Variants in ITGBL1 observed in about 807,000 individuals in gnomAD.
ITGBL1 encodes the protein integrin subunit beta like 1.
ITGBL1 carries 51 observed loss-of-function variants against 68.5 expected under a neutral mutation model. The observed-to-expected ratio is 0.74, with a 90% CI of 0.59 to 0.94. The LOEUF (loss-of-function observed/expected upper bound fraction) is 0.94. ITGBL1 is among the 40% of genes least tolerant of loss of function. ITGBL1 has a pLI of 0.00. For missense variants in ITGBL1, 649 were observed against 647.4 expected, an observed-to-expected ratio of 1.00 and a Z score of -0.03; for synonymous variants, 209 against 227.3, an observed-to-expected ratio of 0.92 and a Z score of 0.72.
intron 2 of ITGBL1, among the ~76,000 whole-genome samples, chr13:101,483,328 G>A (rs2048654162): frequency 6.6e-6 from 1 of 152,156 alleles, no homozygotes; most frequent in Non-Finnish European, 1.5e-5. Context: ...CCACTGTCAA[G>A]GTTGCAATTA....
intron 2 of ITGBL1, among the ~76,000 whole-genome samples, chr13:101,473,638 T>C (rs966410566): frequency 6.6e-6 from 1 of 152,184 alleles, no homozygotes; most frequent in African/African-American, 2.4e-5. Context: ...AGCCAGTGGA[T>C]GTGGGATGCA....
chr13:101,615,614 A>G (rs1213098425), intron 7 of ITGBL1, among the ~76,000 whole-genome samples: 1 of 151,882 alleles, frequency 6.6e-6, no homozygotes, highest in East Asian at 1.9e-4. Flanking sequence ...GTCCTCATGA[A>G]AGGGAATGGT....
intron 9 of ITGBL1, among the ~76,000 whole-genome samples, chr13:101,707,869 A>G (rs2034296904): frequency 6.6e-6 from 1 of 151,822 alleles, no homozygotes; most frequent in African/African-American, 2.4e-5. Context: ...AAAAAAAAAA[A>G]AAAGGTAATA....
At chr13:101,682,722 T>A (rs1358591680) in intron 7 of ITGBL1, among the ~76,000 whole-genome samples, 1 of 152,100 alleles carries the variant, frequency 6.6e-6, no homozygotes, top group Non-Finnish European at 1.5e-5. Flanking sequence ...TTAGTGTCTA[T>A]ATTGTTTGTA....
chr13:101,521,556 G>A (rs1463515719), intron 2 of ITGBL1, among the ~76,000 whole-genome samples: 1 of 152,034 alleles, frequency 6.6e-6, no homozygotes, highest in Admixed American at 6.6e-5. Flanking sequence ...GAGAAGGGAG[G>A]GTGGGAGGAG....
chr13:101,615,923 T>A (rs1260945619), intron 7 of ITGBL1, among the ~76,000 whole-genome samples: 1 of 152,196 alleles, frequency 6.6e-6, no homozygotes, highest in African/African-American at 2.4e-5. Flanking sequence ...CGCTAGACAC[T>A]GCATCTTCCG....
intron 7 of ITGBL1, among the ~76,000 whole-genome samples, chr13:101,656,500 T>TA (rs1179331817): frequency 6.6e-6 from 1 of 152,188 alleles, no homozygotes; most frequent in Admixed American, 6.5e-5. Flanking sequence ...TAGGGTTAAA[T>TA]AAAATCCATC....
chr13:101,598,102 A>T, intron 6 of ITGBL1, 51 bp from the exon 7 acceptor site: 8 of 1,462,282 alleles, frequency 5.5e-6, no homozygotes, highest in Non-Finnish European at 7.5e-6. Flanking sequence ...ACTAATTCCA[A>T]CTTCATTATC....
At chr13:101,501,560 A>T (rs1309721646) in intron 2 of ITGBL1, among the ~76,000 whole-genome samples, 1 of 152,186 alleles carries the variant, frequency 6.6e-6, no homozygotes. Context: ...CAATGTCGTA[A>T]AAAAGAAAAA....
At chr13:101,576,953 G>GAA (rs1475297714) in intron 4 of ITGBL1, among the ~76,000 whole-genome samples, 1 of 80,802 alleles carries the variant, frequency 1.2e-5, no homozygotes, top group Non-Finnish European at 3.1e-5. Context: ...ATTATAGATG[G>GAA]AAAAAAAAAA....
At chr13:101,520,158 CTG>C (rs1202616058) in intron 2 of ITGBL1, among the ~76,000 whole-genome samples, 1 of 152,108 alleles carries the variant, frequency 6.6e-6, no homozygotes, top group African/African-American at 2.4e-5. Flanking sequence ...ACTTCTCTTT[CTG>C]TGTTATCATA....
At chr13:101,625,121 T>C (rs2031726095) in intron 7 of ITGBL1, among the ~76,000 whole-genome samples, 1 of 152,198 alleles carries the variant, frequency 6.6e-6, no homozygotes, top group Admixed American at 6.5e-5. Flanking sequence ...GAAATTACCT[T>C]TCCTGTTTTA....
chr13:101,558,921 G>T (rs1266949402), intron 2 of ITGBL1, among the ~76,000 whole-genome samples: 1 of 151,848 alleles, frequency 6.6e-6, no homozygotes. Flanking sequence ...ATGTGTGTGT[G>T]TGTGTGTTTA....
At chr13:101,593,815 A>G (rs1317435285) in intron 6 of ITGBL1, among the ~76,000 whole-genome samples, 2 of 152,106 alleles carry the variant, frequency 1.3e-5, no homozygotes, top group Non-Finnish European at 2.9e-5. Flanking sequence ...ACAATCAGAT[A>G]GCAGGAATAA....
chr13:101,686,345 T>G (rs1169541164), intron 7 of ITGBL1, among the ~76,000 whole-genome samples: 1 of 150,050 alleles, frequency 6.7e-6, no homozygotes, highest in Non-Finnish European at 1.5e-5. Flanking sequence ...GAGAAAAAAA[T>G]AATGTGATGT....
At chr13:101,714,819 A>G in intron 10 of ITGBL1, 1 of 466,708 alleles carries the variant, frequency 2.1e-6, no homozygotes, top group Non-Finnish European at 3.8e-6. Flanking sequence ...TCAAACTCAC[A>G]TGTATGCAGT....
At chr13:101,665,874 C>T (rs149308840) in intron 7 of ITGBL1, among the ~76,000 whole-genome samples, 198 of 152,310 alleles carry the variant, frequency 1.3e-3, no homozygotes, top group Admixed American at 3.8e-3. Flanking sequence ...GTCTTACACA[C>T]ACAAAAATAT....
intron 7 of ITGBL1, among the ~76,000 whole-genome samples, chr13:101,635,211 C>T (rs1331081142): frequency 1.3e-5 from 2 of 151,974 alleles, no homozygotes; most frequent in Non-Finnish European, 2.9e-5. Flanking sequence ...ATAAGAGTCT[C>T]TCAAGCTTTT....
intron 7 of ITGBL1, among the ~76,000 whole-genome samples, chr13:101,602,609 T>G (rs2030452494): frequency 6.6e-6 from 1 of 151,926 alleles, no homozygotes; most frequent in Non-Finnish European, 1.5e-5. Context: ...ACCACAAAAT[T>G]CACATACCAC....
Sources: allele counts gnomAD v4.1 joint callset (sites outside exome capture counted in the v4.1 genomes callset), GRCh38; gene constraint gnomAD v4.1.1; transcripts MANE v1.5; gene names NCBI Gene and HGNC (gene_info 2026-07-23, HGNC 2026-07-21).